Variants in NRP1 observed in about 807,000 individuals in gnomAD.
The protein encoded by NRP1 is neuropilin-1.
In NRP1, 35 loss-of-function variants were observed where a neutral mutation model predicts 106.7. The ratio of observed to expected loss-of-function variants is 0.33; its 90% confidence interval spans 0.25 to 0.43. NRP1 has a LOEUF of 0.43. NRP1 is among the 20% of genes least tolerant of loss of function. NRP1 has a pLI of 1.00. For synonymous variants in NRP1, 437 were observed against 417.9 expected, an observed-to-expected ratio of 1.05 and a Z score of -0.56; for missense variants, 1,024 against 1,170.4, an observed-to-expected ratio of 0.87 and a Z score of 1.83.
intron 6 of NRP1, among the ~76,000 whole-genome samples, chr10:33,241,642 T>TG (rs1554789808): frequency 2.0e-5 from 3 of 151,350 alleles, no homozygotes; most frequent in Non-Finnish European, 4.4e-5. Flanking sequence ...GTTGTATGTG[T>TG]GTGGTGGTGG....
intron 13 of NRP1, among the ~76,000 whole-genome samples, chr10:33,188,940 T>TATATA (rs1554774622): frequency 5.7e-5 from 8 of 139,680 alleles, no homozygotes; most frequent in East Asian, 2.1e-4. Context: ...TATATATAAA[T>TATATA]TAAAACTGCT....
chr10:33,254,107 C>G lies in NRP1; in HGVS notation c.902G>C (p.Trp301Ser). The G allele has an allele frequency of 6.2e-7, 1 of 1,614,042 alleles. No homozygotes were observed. The highest frequency in any genetic ancestry group is 8.5e-7 in the Non-Finnish European group (1 of 1,179,998). The change falls in exon 6 of 17, where the codon TGG becomes TCG. Residue 301 changes from tryptophan to serine, a missense_variant. Around this residue, in one of 5 missense-constraint regions of NRP1, gnomAD observed 562 missense variants for 620.3 expected, o/e 0.91. Transcript: ENST00000374867. ...GTTCAGGCGGGAGCGCTCTGCAGAC[C>G]AGTTGGTGCTATACTGGGAAGAAGC... is the stretch of plus-strand genomic sequence containing the variant. Reference protein sequence around the residue: ...ITASSQYSTNWSAERSRLNYP... With the variant: ...ITASSQYSTNSSAERSRLNYP...
At chr10:33,320,212 C>T (rs1847394789) in intron 2 of NRP1, among the ~76,000 whole-genome samples, 1 of 151,686 alleles carries the variant, frequency 6.6e-6, no homozygotes, top group Admixed American at 6.6e-5. Flanking sequence ...ACTTGGGAGG[C>T]TGAGGCAGGA....
At chr10:33,218,581 G>A (rs1301568637) in intron 8 of NRP1, among the ~76,000 whole-genome samples, 1 of 151,940 alleles carries the variant, frequency 6.6e-6, no homozygotes, top group Non-Finnish European at 1.5e-5. Flanking sequence ...TCCTGACCTC[G>A]TGATCCACCT....
In NRP1 at chr10:33,305,642, G is replaced by A. The variant is rs189932990; in HGVS notation, c.248+25066C>T. ...ATCAACTAGAGAGGTCAGATTCTCC[G>A]TTAGCTGCCAAACAGTACATGGGTA... is the stretch of plus-strand genomic sequence containing the variant. On this transcript the variant is annotated intron_variant, in intron 2 of 16. Coordinates refer to ENST00000374867, the MANE Select transcript of NRP1 (RefSeq NM_003873.7). 2.9e-3 allele frequency among the ~76,000 whole-genome samples: 447 copies of A among 151,752 alleles called. 2 individuals are homozygous for A. The highest frequency in any genetic ancestry group is 0.01 in the African/African-American group (431 of 41,360).
intron 2 of NRP1, chr10:33,288,347 C>G (rs1348357372): frequency 2.6e-5 from 4 of 152,116 alleles, no homozygotes; most frequent in Admixed American, 2.6e-4. Flanking sequence ...AGTGCAGTGG[C>G]TATTCATAGG....
chr10:33,250,760 G>A (rs1002990691), intron 6 of NRP1, among the ~76,000 whole-genome samples: 3 of 152,136 alleles, frequency 2.0e-5, no homozygotes, highest in African/African-American at 7.2e-5. Context: ...ATTGCAGTGA[G>A]GATCAGATAA....
intron 10 of NRP1, among the ~76,000 whole-genome samples, chr10:33,203,520 A>G (rs28417729): frequency 2.6e-5 from 4 of 151,816 alleles, no homozygotes; most frequent in African/African-American, 9.7e-5. Flanking sequence ...CAAAAAAACT[A>G]AAAAAACAGT....
At chr10:33,233,226 C>A (rs982063023) in intron 6 of NRP1, among the ~76,000 whole-genome samples, 1 of 151,998 alleles carries the variant, frequency 6.6e-6, no homozygotes, top group Non-Finnish European at 1.5e-5. Flanking sequence ...GGTGAAGGGG[C>A]GATGTTTGCA....
chr10:33,293,454 A>G (rs1319143190), intron 2 of NRP1, among the ~76,000 whole-genome samples: 1 of 152,190 alleles, frequency 6.6e-6, no homozygotes, highest in Non-Finnish European at 1.5e-5. Context: ...TGCCAGAAAC[A>G]AGGAAAACTG....
chr10:33,285,790 G>A (rs1588921227), intron 2 of NRP1, among the ~76,000 whole-genome samples: 1 of 152,014 alleles, frequency 6.6e-6, no homozygotes, highest in East Asian at 1.9e-4. Flanking sequence ...CCAAGATTGA[G>A]CCACTGCACT....
At chr10:33,326,328 CCATTTTCAATGTGCAATGAA>C (rs1189108561) in intron 2 of NRP1, among the ~76,000 whole-genome samples, 36 of 152,214 alleles carry the variant, frequency 2.4e-4, no homozygotes, top group African/African-American at 8.4e-4. Flanking sequence ...ATACTGAAAA[CCATTTTCAATGTGCAATGAA>C]CATGTGTTTC....
intron 7 of NRP1, 53 bp from the exon 8 acceptor site, chr10:33,221,916 C>T (rs1839274654): frequency 1.9e-6 from 3 of 1,555,700 alleles, no homozygotes; most frequent in Admixed American, 3.5e-5. Context: ...GATTTAAATC[C>T]ATAAATGTGT....
intron 2 of NRP1, among the ~76,000 whole-genome samples, chr10:33,280,237 G>A (rs2133366650): frequency 6.6e-6 from 1 of 152,274 alleles, no homozygotes; most frequent in East Asian, 1.9e-4. Flanking sequence ...CCCTTCACAT[G>A]GGAAAATATT....
At chr10:33,247,059 A>C (rs999718348) in intron 6 of NRP1, among the ~76,000 whole-genome samples, 6 of 152,232 alleles carry the variant, frequency 3.9e-5, no homozygotes, top group African/African-American at 1.4e-4. Context: ...AGAAAAGAAA[A>C]TTGTATATGA....
At chr10:33,255,956 C>CT (rs1842168647) in intron 5 of NRP1, among the ~76,000 whole-genome samples, 1 of 152,152 alleles carries the variant, frequency 6.6e-6, no homozygotes, top group African/African-American at 2.4e-5. Flanking sequence ...TAGATTTGTT[C>CT]TTATCATCTG....
rs909532212 is a variant in NRP1 at position 33,263,697 on chromosome 10, C to T, written c.607G>A (p.Gly203Arg). 12 of 1,613,978 alleles carry T rather than the reference C, an allele frequency of 7.4e-6. No homozygotes were observed. In the African/African-American group the frequency reaches 1.3e-4, roughly 18 times the overall value. Reference sequence around the variant, plus strand: ...AGCCGGTCGTAGCGACAGAACATCCCCCCTGGAGGATTTGAGTCAGGCTCC... The same window carrying T: ...AGCCGGTCGTAGCGACAGAACATCCTCCCTGGAGGATTTGAGTCAGGCTCC... Reference protein sequence around the residue: ...DLEPDSNPPGGMFCRYDRLEI... With the variant: ...DLEPDSNPPGRMFCRYDRLEI... The change falls in exon 4 of 17, where the codon GGG becomes AGG. Residue 203 changes from glycine to arginine, a missense_variant. This residue lies in a region of NRP1 where 279 missense variants were observed against 327.4 expected (regional missense o/e 0.85). Transcript: ENST00000374867.
intron 2 of NRP1, among the ~76,000 whole-genome samples, chr10:33,324,680 A>G (rs1847763596): frequency 6.6e-6 from 1 of 152,162 alleles, no homozygotes; most frequent in African/African-American, 2.4e-5. Context: ...CCTGTTGCCC[A>G]GGCTGGAGTG....
At chr10:33,299,085 A>G (rs1448910372) in intron 2 of NRP1, among the ~76,000 whole-genome samples, 1 of 152,170 alleles carries the variant, frequency 6.6e-6, no homozygotes, top group Non-Finnish European at 1.5e-5. Flanking sequence ...GAGATAAATG[A>G]GGCATGATGA....
Sources: gnomAD v4.1 joint callset for allele counts (sites outside exome capture counted in the v4.1 genomes callset) on GRCh38, gnomAD v4.1.1 for gene constraint, gnomAD v4.1.1 regional missense constraint, MANE v1.5 for transcripts, NCBI Gene and HGNC (gene_info 2026-07-23, HGNC 2026-07-21) for gene names.